B4GALNT3: variants seen among roughly 807,000 people sequenced by gnomAD.
B4GALNT3 encodes the protein beta-1,4-N-acetyl-galactosaminyltransferase 3.
In B4GALNT3, 86 loss-of-function variants were observed where a neutral mutation model predicts 120.2. The observed-to-expected ratio is 0.72, with a 90% CI of 0.60 to 0.86. The LOEUF (loss-of-function observed/expected upper bound fraction) is 0.86. Among genes scored for constraint, B4GALNT3 ranks in the 40% least tolerant of loss-of-function variants. The pLI, the probability that B4GALNT3 is intolerant of heterozygous loss-of-function variation, is 0.00. For missense variants in B4GALNT3, 1,167 were observed against 1,298.9 expected (o/e 0.90, Z 1.56); for synonymous variants, 518 against 510.4 (o/e 1.01, Z -0.20).
Position 479,206 on chromosome 12 carries a change from C to CTT in B4GALNT3, c.169+18669_169+18670dup, listed in dbSNP as rs35451048. ...AAGGTATTTTGTTTCATGGCTGTGG[C>CTT]TTTTTTTTTATTATTATTTAAATGA... On this transcript the variant is annotated intron_variant, in intron 1 of 19. Coordinates refer to ENST00000266383, the MANE Select transcript of B4GALNT3 (RefSeq NM_173593.4). 1.2e-4 allele frequency among the ~76,000 whole-genome samples: 18 copies of CTT among 151,076 alleles called. No individual in the cohort carries two copies. The East Asian group carries it at 1.9e-3, about 16-fold the overall frequency.
Position 460,581 on chromosome 12 carries a change from G to C in B4GALNT3, c.169+36G>C. 2 of 1,346,268 alleles carry C rather than the reference G, an allele frequency of 1.5e-6. No individual in the cohort carries two copies. The highest frequency in any genetic ancestry group is 1.9e-6 in the Non-Finnish European group (2 of 1,037,514). 83.4% of individuals were successfully genotyped at this position (1,346,268 alleles called of 1,614,324 possible). On this transcript the variant is annotated intron_variant, in intron 1 of 19. Transcript: ENST00000266383. This position sits in a 1 kb window ranked among gnomAD's most constrained non-coding sequence, Gnocchi z 8.0. The stretch of plus-strand genomic sequence containing the variant: ...CCCAGGGGAGGCGAAGGGCGCGGGG[G>C]TGGGCGGCGGCGGCGGCTCCTGCGT...
intron 1 of B4GALNT3, among the ~76,000 whole-genome samples, chr12:472,975 A>C (rs1015412479): frequency 2.6e-5 from 1 of 38,008 alleles, no homozygotes; most frequent in African/African-American, 7.7e-5. Context: ...TTGTTCAAAC[A>C]CTTTTTTTTT....
chr12:521,479 T>C (rs1294789094), intron 1 of B4GALNT3, among the ~76,000 whole-genome samples: 1 of 152,098 alleles, frequency 6.6e-6, no homozygotes, highest in East Asian at 1.9e-4. Flanking sequence ...TACTCTGTGG[T>C]CTTTCCCAGA....
intron 3 of B4GALNT3, among the ~76,000 whole-genome samples, chr12:541,833 C>G (rs149470355): frequency 2.2e-5 from 2 of 91,284 alleles, no homozygotes. Flanking sequence ...TGCCCAGTCC[C>G]CCCCCTCACC....
At chr12:479,078 G>C (rs1946210920) in intron 1 of B4GALNT3, among the ~76,000 whole-genome samples, 1 of 152,192 alleles carries the variant, frequency 6.6e-6, no homozygotes, top group African/African-American at 2.4e-5. Context: ...AAGGAATCAA[G>C]GCTTCTGACT....
intron 1 of B4GALNT3, among the ~76,000 whole-genome samples, chr12:488,163 AC>A (rs1298377347): frequency 2.0e-5 from 3 of 150,332 alleles, no homozygotes; most frequent in African/African-American, 7.4e-5. Context: ...AAAAAAAAAA[AC>A]CCCATCAACC....
At chr12:472,858 C>T (rs996016767) in intron 1 of B4GALNT3, among the ~76,000 whole-genome samples, 3 of 152,228 alleles carry the variant, frequency 2.0e-5, no homozygotes, top group South Asian at 2.1e-4. Context: ...GCTGGGATTA[C>T]AGGCACAAGC....
At chr12:538,194 GT>G (rs958352666) in intron 3 of B4GALNT3, among the ~76,000 whole-genome samples, 1 of 152,094 alleles carries the variant, frequency 6.6e-6, no homozygotes, top group Non-Finnish European at 1.5e-5. Flanking sequence ...TTATCCACTT[GT>G]TTTTGCCAAT....
At chr12:549,137 T>C (rs552888132) in intron 9 of B4GALNT3, among the ~76,000 whole-genome samples, 54 of 152,224 alleles carry the variant, frequency 3.5e-4, no homozygotes, top group Non-Finnish European at 5.6e-4. Flanking sequence ...TCCATAGGCC[T>C]CCGTGGCAGG....
chr12:547,155 C>CGGGCGTTGCT (rs71293141), intron 7 of B4GALNT3, among the ~76,000 whole-genome samples: 59,716 of 151,350 alleles, frequency 0.39, 11,972 homozygotes, highest in South Asian at 0.53. Context: ...GCGGGAAGAG[C>CGGGCGTTGCT]GGGCGTTGCT....
intron 1 of B4GALNT3, among the ~76,000 whole-genome samples, chr12:517,316 A>G (rs1946666670): frequency 6.6e-6 from 1 of 152,180 alleles, no homozygotes; most frequent in Admixed American, 6.5e-5. Flanking sequence ...CAAAAGGATA[A>G]GGAGTAGCCC....
intron 1 of B4GALNT3, among the ~76,000 whole-genome samples, chr12:533,938 T>G (rs112568522): frequency 0.035 from 5,284 of 152,252 alleles, 121 homozygotes; most frequent in Non-Finnish European, 0.052. Context: ...GTGCTCTGTG[T>G]TCTGTGTCTG....
rs755724776 is a variant in B4GALNT3 at position 460,442 on chromosome 12, C to T, written c.66C>T (p.Arg22=). ...LLRPVKLLRR[R]FRLLLALAVV... ...GCCCGGTGAAGCTGCTGCGGAGGCG[C>T]TTCCGGCTGCTGCTGGCGCTCGCCG... is the stretch of plus-strand genomic sequence containing the variant. Residue 22 remains arginine, a synonymous_variant, in exon 1 of 20, where the codon CGC becomes CGT. Transcript: ENST00000266383. This position sits in a 1 kb window ranked among gnomAD's most constrained non-coding sequence, Gnocchi z 8.0. The T allele has an allele frequency of 7.4e-5, 117 of 1,572,988 alleles. No individual in the cohort carries two copies. The highest frequency in any genetic ancestry group is 9.5e-5 in the Non-Finnish European group (110 of 1,162,366).
At chr12:466,854 G>A (rs959944468) in intron 1 of B4GALNT3, among the ~76,000 whole-genome samples, 3 of 152,004 alleles carry the variant, frequency 2.0e-5, no homozygotes, top group East Asian at 1.9e-4. Flanking sequence ...CATGCAAATC[G>A]TCCCTGTGGT....
intron 1 of B4GALNT3, among the ~76,000 whole-genome samples, chr12:506,784 A>C (rs58171860): frequency 0.013 from 1,919 of 152,042 alleles, 32 homozygotes; most frequent in African/African-American, 0.043. Flanking sequence ...CTACAGACAC[A>C]TACCACCACG....
Position 550,312 on chromosome 12 carries a change from A to G in B4GALNT3, c.997+400A>G, listed in dbSNP as rs1947064336. On this transcript the variant is annotated intron_variant, in intron 10 of 19. Coordinates refer to ENST00000266383, the MANE Select transcript of B4GALNT3 (RefSeq NM_173593.4). This position sits in a 1 kb window ranked among gnomAD's most constrained non-coding sequence, Gnocchi z 4.1. Reference sequence around the variant, plus strand: ...GTCTTAATGCATGATTCCTCTTGGGAGTGTTTACATTTTAAAAGACGGCCA... The same window carrying G: ...GTCTTAATGCATGATTCCTCTTGGGGGTGTTTACATTTTAAAAGACGGCCA... 6.6e-6 allele frequency among the ~76,000 whole-genome samples: 1 copy of G among 152,116 alleles called. No individual in the cohort carries two copies. Among genetic ancestry groups the G allele is most frequent in the Non-Finnish European group, 1.5e-5 (1 of 68,032 alleles).
At chr12:508,179 C>T (rs539026996) in intron 1 of B4GALNT3, among the ~76,000 whole-genome samples, 127 of 152,368 alleles carry the variant, frequency 8.3e-4, no homozygotes, top group Non-Finnish European at 1.5e-3. Flanking sequence ...CCTAGGGGGA[C>T]ATCCAATTCA....
In B4GALNT3 at chr12:554,789, CAAAAAAAAAA is replaced by C. The variant is rs57194028; in HGVS notation, c.2060+825_2060+834del. ...TGGGCGACAGAGCAAGACTCCGTCTCAAAAAAAAAAAAAAAAAAAAAAAAAAAAGTATATT... is the reference window on the plus strand; with the variant it reads ...TGGGCGACAGAGCAAGACTCCGTCTCAAAAAAAAAAAAAAAAAAGTATATT... On this transcript the variant is annotated intron_variant, in intron 14 of 19. Transcript: ENST00000266383. 3.3e-4 allele frequency among the ~76,000 whole-genome samples: 11 copies of C among 33,016 alleles called. 1 individual carries two copies. Among genetic ancestry groups the C allele is most frequent in the African/African-American group, 7.4e-4 (8 of 10,864 alleles). The allele number at this position is 33,016 out of a possible 152,430, so 21.7% of individuals were successfully genotyped here.
In B4GALNT3 at chr12:535,271, T is replaced by TA; in HGVS notation, c.273+3dup. Reference sequence around the variant, plus strand: ...CATCCCCAGAGGCTGAGCCTCGAGGTAGGTGACCAGCCAGTCCATTGTCCC... The same window carrying TA: ...CATCCCCAGAGGCTGAGCCTCGAGGTAAGGTGACCAGCCAGTCCATTGTCCC... On this transcript the variant is annotated splice_region_variant and intron_variant, in intron 2 of 19. Coordinates refer to ENST00000266383, the MANE Select transcript of B4GALNT3 (RefSeq NM_173593.4). 6.2e-7 allele frequency: 1 copy of TA among 1,612,546 alleles called. No individual in the cohort carries two copies. The highest frequency in any genetic ancestry group is 8.5e-7 in the Non-Finnish European group (1 of 1,179,346).
Sources: allele counts gnomAD v4.1 joint callset (sites outside exome capture counted in the v4.1 genomes callset), GRCh38; gene constraint gnomAD v4.1.1; non-coding constraint Gnocchi (gnomAD v3.1); transcripts MANE v1.5; gene names NCBI Gene and HGNC (gene_info 2026-07-23, HGNC 2026-07-21).